The following ISL2 variants were observed in gnomAD, a reference collection of about 807,000 sequenced individuals.
ISL2 encodes the protein ISL LIM homeobox 2.
In ISL2, 17 loss-of-function variants were observed where a neutral mutation model predicts 34.6. That is an observed-to-expected ratio of 0.49 (90% CI 0.34 to 0.74). ISL2 has a LOEUF of 0.74. ISL2 is among the 30% of genes least tolerant of loss of function. The pLI, the probability that ISL2 is intolerant of heterozygous loss-of-function variation, is 0.01. For missense variants in ISL2, 469 were observed against 515.2 expected (o/e 0.91, Z 0.87); for synonymous variants, 232 against 225.5 (o/e 1.03, Z -0.26).
Position 76,337,926 on chromosome 15 carries a change from C to T in ISL2, c.207C>T (p.Phe69=), listed in dbSNP as rs1295921017. The change falls in exon 2 of 6, where the codon TTC becomes TTT. Residue 69 remains phenylalanine (F), a synonymous_variant. Transcript: ENST00000290759. ...ACCTGGACGAGACGTGCACGTGCTT[C>T]GTGAGAGACGGGAAGACCTACTGCA... ...SQYLDETCTC[F]VRDGKTYCKR... is the part of the protein sequence containing the mutation. The T allele has an allele frequency of 1.2e-6, 2 of 1,610,458 alleles. No homozygotes were observed. Among genetic ancestry groups the T allele is most frequent in the African/African-American group, 1.3e-5 (1 of 74,862 alleles).
Position 76,340,261 on chromosome 15 carries a change from A to C in ISL2, c.512-15A>C, listed in dbSNP as rs545439408. 163 of 1,583,336 alleles carry C rather than the reference A, an allele frequency of 1.0e-4. 1 individual carries two copies. In the African/African-American group the frequency reaches 1.6e-3, roughly 16 times the overall value. On this transcript the variant is annotated splice_polypyrimidine_tract_variant and intron_variant, in intron 3 of 5. Coordinates refer to ENST00000290759, the MANE Select transcript of ISL2 (RefSeq NM_145805.3). ...CGGCCCCTCGCTAACCTCTGGCCTCACCCTGTCCTGGCAGACGCTGGGTCG... is the reference window on the plus strand; with the variant it reads ...CGGCCCCTCGCTAACCTCTGGCCTCCCCCTGTCCTGGCAGACGCTGGGTCG...
Position 76,338,400 on chromosome 15 carries a change from C to T in ISL2, c.397C>T (p.Arg133Trp). ...QLLPGDEFSLREHELLCRADH... is the reference protein window; with the variant it reads ...QLLPGDEFSLWEHELLCRADH... ...GCTGCCTGGGGACGAGTTCTCGCTG[C>T]GGGAGCACGAGCTGCTCTGCCGCGC... Residue 133 changes from arginine to tryptophan, a missense_variant, in exon 3 of 6, where the codon CGG becomes TGG. Physicochemically the swap from Arg to Trp is moderately radical, Grantham distance 101. Around this residue, in one of 3 missense-constraint regions of ISL2, gnomAD observed 297 missense variants for 337.8 expected, o/e 0.88. Transcript: ENST00000290759. 6.5e-7 allele frequency: 1 copy of T among 1,532,322 alleles called. No homozygotes were observed. The highest frequency in any genetic ancestry group is 8.7e-7 in the Non-Finnish European group (1 of 1,149,338). The allele number at this position is 1,532,322 out of a possible 1,614,324, so 94.9% of individuals were successfully genotyped here. A position where few individuals can be genotyped will look rare whatever the true frequency, so the allele number is the denominator to read the frequency against.
At chr15:76,339,798 T>C in intron 3 of ISL2, 6 of 995,042 alleles carry the variant, frequency 6.0e-6, no homozygotes, top group Non-Finnish European at 7.2e-6. Context: ...AGGGCCCTCG[T>C]AGGCCCCCGG....
At chr15:76,338,052 G>C in intron 2 of ISL2, 85 bp downstream of exon 2, 2 of 1,319,642 alleles carry the variant, frequency 1.5e-6, no homozygotes, top group East Asian at 3.1e-5. Context: ...CGCGCGCCCC[G>C]GCCCTGCCCA....
At position 76,341,808 on chromosome 15, in the gene ISL2, T is replaced by C. The variant is rs1285656360; in HGVS notation, c.1053T>C (p.Ser351=). 1 of 1,613,516 alleles carries C rather than the reference T, an allele frequency of 6.2e-7. No individual in the cohort carries two copies. The highest frequency in any genetic ancestry group is 8.5e-7 in the Non-Finnish European group (1 of 1,179,864). ...LSSQLPDTPN[S]MVPSPVET is the part of the protein sequence containing the mutation. ...CGCAGCTCCCGGACACCCCCAACAG[T>C]ATGGTGCCGAGTCCCGTGGAGACGT... The change falls in exon 6 of 6, where the codon AGT becomes AGC. Residue 351 remains serine, a synonymous_variant. Transcript: ENST00000290759.
intron 1 of ISL2, 52 bp from the exon 2 acceptor site, chr15:76,337,726 G>C: frequency 6.8e-7 from 1 of 1,479,620 alleles, no homozygotes; most frequent in East Asian, 2.6e-5. Context: ...GCCGAGGCCG[G>C]CCTGGGTCCG....
At position 76,336,915 on chromosome 15, in the gene ISL2, TGG is replaced by T. The variant is rs767991557; in HGVS notation, c.34_35del (p.Gly12CysfsTer4). 2.0e-5 allele frequency: 32 copies of T among 1,612,786 alleles called. No individual in the cohort carries two copies. Among genetic ancestry groups the T allele is most frequent in the Non-Finnish European group, 2.7e-5 (32 of 1,178,790 alleles). Reference sequence around the variant, plus strand: ...GATATTATTTTTCATTATCCTTTTCTGGGTGCTATGGGTGATCATTCCAAGAG... The same window carrying T: ...GATATTATTTTTCATTATCCTTTTCTGTGCTATGGGTGATCATTCCAAGAG... On this transcript the variant is annotated frameshift_variant, in exon 1 of 6. Coordinates refer to ENST00000290759, the MANE Select transcript of ISL2 (RefSeq NM_145805.3). LOFTEE classifies it high-confidence loss of function.
At chr15:76,340,211 G>GGTT in intron 3 of ISL2, 65 bp from the exon 4 acceptor site, 1 of 1,472,154 alleles carries the variant, frequency 6.8e-7, no homozygotes, top group Non-Finnish European at 9.0e-7. Context: ...GCCACCCGGA[G>GGTT]GTTGGGCTCG....
At chr15:76,336,971 GGT>G (rs777489508) in intron 1 of ISL2, 30 bp downstream of exon 1, 2 of 1,584,778 alleles carry the variant, frequency 1.3e-6, no homozygotes, top group Non-Finnish European at 1.7e-6. Flanking sequence ...TGTGGGGTGG[GGT>G]GTGTGTGTAT....
intron 1 of ISL2, 73 bp from the exon 2 acceptor site, chr15:76,337,705 G>A: frequency 3.6e-6 from 5 of 1,381,260 alleles, no homozygotes; most frequent in Non-Finnish European, 4.9e-6. Context: ...GGTTGGGTTG[G>A]GGCTGGAGTA....
Position 76,340,344 on chromosome 15 carries a change from G to T in ISL2, c.580G>T (p.Val194Leu). Residue 194 changes from valine to leucine, a missense_variant, in exon 4 of 6, where the codon GTG (valine) becomes TTG (leucine). By Grantham distance (32) the Val-to-Leu change is conservative. Transcript: ENST00000290759. ...CAAGCAGACGGAGAAGACGACCCGC[G>T]TGCGGACTGTGCTGAACGAGAAGCA... ...VHKQTEKTTR[V>L]RTVLNEKQLH... 1 of 1,612,770 alleles carries T rather than the reference G, an allele frequency of 6.2e-7. No homozygotes were observed. The highest frequency in any genetic ancestry group is 8.5e-7 in the Non-Finnish European group (1 of 1,179,892).
chr15:76,337,716 G>A, intron 1 of ISL2, 62 bp from the exon 2 acceptor site: 1 of 1,451,940 alleles, frequency 6.9e-7, no homozygotes, highest in Non-Finnish European at 9.2e-7. Flanking sequence ...GGCTGGAGTA[G>A]CCGAGGCCGG....
chr15:76,340,283 G>A lies in ISL2; in HGVS notation c.519G>A (p.Gly173=), dbSNP rs766599544. 2 of 1,602,600 alleles carry A rather than the reference G, an allele frequency of 1.2e-6. No individual in the cohort carries two copies. The highest frequency in any genetic ancestry group is 1.1e-5 in the South Asian group (1 of 90,228). ...GARGLHLPDA[G]SGRQPALRPH... Reference sequence around the variant, plus strand: ...CTCACCCTGTCCTGGCAGACGCTGGGTCGGGCCGGCAGCCCGCGTTGCGCC... The same window carrying A: ...CTCACCCTGTCCTGGCAGACGCTGGATCGGGCCGGCAGCCCGCGTTGCGCC... Residue 173 remains glycine, a synonymous_variant, in exon 4 of 6, where the codon GGG becomes GGA. Coordinates refer to ENST00000290759, the MANE Select transcript of ISL2 (RefSeq NM_145805.3).
At chr15:76,338,141 A>T in intron 2 of ISL2, 111 bp from the exon 3 acceptor site, 3 of 1,399,408 alleles carry the variant, frequency 2.1e-6, no homozygotes, top group Non-Finnish European at 2.8e-6. Flanking sequence ...GGGTCACCGC[A>T]GTCTCCTGGT....
intron 5 of ISL2, 61 bp downstream of exon 5, chr15:76,341,362 T>C: frequency 6.7e-7 from 1 of 1,495,504 alleles, no homozygotes; most frequent in South Asian, 1.3e-5. Context: ...TTTAGCCACT[T>C]AGCCTGGCAG....
rs761660162 is a variant in ISL2 at position 76,337,933 on chromosome 15, G to T, written c.214G>T (p.Asp72Tyr). The part of the protein sequence containing the change: ...LDETCTCFVR[D>Y]GKTYCKRDYV... Reference sequence around the variant, plus strand: ...CGAGACGTGCACGTGCTTCGTGAGAGACGGGAAGACCTACTGCAAGCGGGA... The same window carrying T: ...CGAGACGTGCACGTGCTTCGTGAGATACGGGAAGACCTACTGCAAGCGGGA... Residue 72 changes from aspartate (D) to tyrosine (Y), a missense_variant, in exon 2 of 6, where the codon GAC (aspartate) becomes TAC (tyrosine). Asp to Tyr is a radical substitution (Grantham distance 160). Transcript: ENST00000290759. 2 of 1,609,310 alleles carry T rather than the reference G, an allele frequency of 1.2e-6. No individual in the cohort carries two copies. The highest frequency in any genetic ancestry group is 4.5e-5 in the East Asian group (2 of 44,504).
rs757321629 is a variant in ISL2 at position 76,340,538 on chromosome 15, G to A, written c.774G>A (p.Gln258=). The A allele has an allele frequency of 1.2e-5, 20 of 1,609,930 alleles. No individual in the cohort carries two copies. In the East Asian group the frequency reaches 4.5e-4, roughly 36 times the overall value. ...CCATTCTCATGAAGCAGCTGCAGCAGCAGCAGCACAGCGACAAGACGGTGA... is the reference window on the plus strand; with the variant it reads ...CCATTCTCATGAAGCAGCTGCAGCAACAGCAGCACAGCGACAAGACGGTGA... ...KKSILMKQLQ[Q]QQHSDKTSLQ... Residue 258 remains glutamine, a synonymous_variant, in exon 4 of 6, where the codon CAG becomes CAA. Transcript: ENST00000290759.
chr15:76,336,957 T>G lies in ISL2; in HGVS notation c.58+16T>G. 1.2e-6 allele frequency: 2 copies of G among 1,604,588 alleles called. No homozygotes were observed. The highest frequency in any genetic ancestry group is 1.1e-5 in the South Asian group (1 of 90,872). On this transcript the variant is annotated intron_variant, in intron 1 of 5. Coordinates refer to ENST00000290759, the MANE Select transcript of ISL2 (RefSeq NM_145805.3). ...CATTCCAAGAGTAAGTATTTCTGTG[T>G]GTGTGTGGGGTGGGGTGTGTGTGTA...
rs548807720 is a variant in ISL2, at chr15:76,340,053, C to G, written c.512-223C>G. 2.9e-6 allele frequency: 4 copies of G among 1,363,842 alleles called. No homozygotes were observed. The African/African-American group carries it at 5.9e-5, about 20-fold the overall frequency. The allele number at this position is 1,363,842 out of a possible 1,614,324, so 84.5% of individuals were successfully genotyped here. On this transcript the variant is annotated intron_variant, in intron 3 of 5. Transcript: ENST00000290759. Reference sequence around the variant, plus strand: ...CGCCCTGCTTGAGCTCGGGAGAGATCGCTGCGGGGCAGTCCGGCCCGGGAG... The same window carrying G: ...CGCCCTGCTTGAGCTCGGGAGAGATGGCTGCGGGGCAGTCCGGCCCGGGAG...
Sources: gnomAD v4.1 joint callset for allele counts on GRCh38, gnomAD v4.1.1 for gene constraint, gnomAD v4.1.1 regional missense constraint, MANE v1.5 for transcripts, NCBI Gene and HGNC (gene_info 2026-07-23, HGNC 2026-07-21) for gene names.